Variants in ABTB3 observed in about 807,000 individuals in gnomAD.
ABTB3 encodes ankyrin repeat- and BTB/POZ domain-containing protein 3.
At chr12:107,548,413 G>A in the ABTB3 span, among the ~76,000 whole-genome samples, 76 of 152,292 alleles carry the variant, frequency 5.0e-4, no homozygotes, top group African/African-American at 1.8e-3. Flanking sequence ...ATCCTTTCTT[G>A]TCAGAACAGC....
chr12:107,325,216 G>A, the ABTB3 span, among the ~76,000 whole-genome samples: 2 of 152,216 alleles, frequency 1.3e-5, no homozygotes, highest in Non-Finnish European at 2.9e-5. Flanking sequence ...GCACGGGCTT[G>A]GAGGGTAGGT....
chr12:107,386,453 G>T, the ABTB3 span, among the ~76,000 whole-genome samples: 1 of 152,196 alleles, frequency 6.6e-6, no homozygotes, highest in African/African-American at 2.4e-5. Context: ...TTTTGTTACG[G>T]AATGACTCTT....
chr12:107,656,521 G>T, the ABTB3 span, among the ~76,000 whole-genome samples: 2 of 152,216 alleles, frequency 1.3e-5, no homozygotes, highest in African/African-American at 4.8e-5. Flanking sequence ...ACAGGTGGTG[G>T]CCCACATTTG....
the ABTB3 span, among the ~76,000 whole-genome samples, chr12:107,327,120 A>G: frequency 6.6e-6 from 1 of 152,228 alleles, no homozygotes; most frequent in Non-Finnish European, 1.5e-5. Context: ...TTAATGCAGT[A>G]ACAGTAAAAG....
chr12:107,504,036 G>A, the ABTB3 span, among the ~76,000 whole-genome samples: 1 of 152,242 alleles, frequency 6.6e-6, no homozygotes, highest in African/African-American at 2.4e-5. Flanking sequence ...CCCAGCAAGG[G>A]CTGTGTGCTC....
chr12:107,580,761 G>A, the ABTB3 span: 1 of 1,422,596 alleles, frequency 7.0e-7, no homozygotes, highest in Non-Finnish European at 9.3e-7. Context: ...ATAACACGGG[G>A]CGCTGATTGG....
chr12:107,615,104 C>A, the ABTB3 span: 10 of 1,614,146 alleles, frequency 6.2e-6, no homozygotes, highest in Admixed American at 1.7e-5. Context: ...CACCCCGAGA[C>A]CCGCCATTGG....
the ABTB3 span, among the ~76,000 whole-genome samples, chr12:107,330,337 C>T: frequency 1.3e-5 from 2 of 152,166 alleles, no homozygotes; most frequent in Admixed American, 6.5e-5. Context: ...AGAGAGCAGA[C>T]TGGAAGGGTG....
At chr12:107,468,333 C>G in the ABTB3 span, among the ~76,000 whole-genome samples, 1 of 152,062 alleles carries the variant, frequency 6.6e-6, no homozygotes, top group South Asian at 2.1e-4. Context: ...CCCTCTTATG[C>G]TGGGAGAGAG....
chr12:107,616,643 G>A, the ABTB3 span, among the ~76,000 whole-genome samples: 1 of 152,232 alleles, frequency 6.6e-6, no homozygotes, highest in African/African-American at 2.4e-5. Context: ...ACTCTTGAGA[G>A]TCTGTGGTTC....
chr12:107,658,226 A>G, the ABTB3 span: 4 of 154,988 alleles, frequency 2.6e-5, no homozygotes, highest in Non-Finnish European at 5.7e-5. Context: ...TTCATTTAAA[A>G]AAAAACAAAA....
At chr12:107,477,509 TC>T in the ABTB3 span, among the ~76,000 whole-genome samples, 1 of 152,156 alleles carries the variant, frequency 6.6e-6, no homozygotes, top group Non-Finnish European at 1.5e-5. Context: ...GCCATAAAGT[TC>T]ATCCTTGTGT....
the ABTB3 span, among the ~76,000 whole-genome samples, chr12:107,624,195 GT>G: frequency 7.7e-4 from 110 of 142,952 alleles, no homozygotes; most frequent in South Asian, 9.0e-4. Flanking sequence ...GATCGGTGGG[GT>G]TTTTTTTTTT....
At chr12:107,621,066 G>T in the ABTB3 span, among the ~76,000 whole-genome samples, 2 of 152,146 alleles carry the variant, frequency 1.3e-5, no homozygotes, top group Non-Finnish European at 2.9e-5. Flanking sequence ...AGGGGACATG[G>T]GGCTGCTTCC....
chr12:107,584,957 T>C, the ABTB3 span, among the ~76,000 whole-genome samples: 1 of 151,880 alleles, frequency 6.6e-6, no homozygotes, highest in Non-Finnish European at 1.5e-5. Flanking sequence ...ACCTGGTGAA[T>C]TCTCCCTTTT....
the ABTB3 span, among the ~76,000 whole-genome samples, chr12:107,352,575 C>T: frequency 9.9e-5 from 15 of 152,112 alleles, no homozygotes; most frequent in Admixed American, 9.8e-4. Flanking sequence ...GGCCCTTCCA[C>T]ATACCAAGCC....
At chr12:107,606,619 G>A in the ABTB3 span, among the ~76,000 whole-genome samples, 1 of 152,144 alleles carries the variant, frequency 6.6e-6, no homozygotes, top group East Asian at 1.9e-4. Context: ...CAAGCATGAA[G>A]GATATCAGAA....
chr12:107,480,215 C>A, the ABTB3 span, among the ~76,000 whole-genome samples: 2 of 151,928 alleles, frequency 1.3e-5, no homozygotes, highest in Non-Finnish European at 2.9e-5. Context: ...TTAGCATTAG[C>A]TAAAGTATAG....
the ABTB3 span, among the ~76,000 whole-genome samples, chr12:107,344,932 G>T: frequency 6.6e-6 from 1 of 152,178 alleles, no homozygotes; most frequent in African/African-American, 2.4e-5. Flanking sequence ...GGGTAAAAGG[G>T]CTCTAAAAGA....
Sources: allele counts gnomAD v4.1 joint callset (sites outside exome capture counted in the v4.1 genomes callset), GRCh38; gene constraint gnomAD v4.1.1; transcripts MANE v1.5; gene names NCBI Gene and HGNC (gene_info 2026-07-23, HGNC 2026-07-21).